UST: variants seen among roughly 807,000 people sequenced by gnomAD.
UST encodes chondroitin sulfate 2-O-sulfotransferase.
UST carries 21 observed loss-of-function variants against 45.6 expected under a neutral mutation model. That is an observed-to-expected ratio of 0.46 (90% CI 0.33 to 0.66). UST has a LOEUF of 0.66. Among genes scored for constraint, UST ranks in the 30% least tolerant of loss-of-function variants. The pLI is 0.02. For missense variants in UST, 463 were observed against 512.4 expected (o/e 0.90, Z 0.93); for synonymous variants, 215 against 200.6 (o/e 1.07, Z -0.61).
At chr6:149,026,776 T>G (rs7748978) in intron 7 of UST, among the ~76,000 whole-genome samples, 1 of 152,054 alleles carries the variant, frequency 6.6e-6, no homozygotes, top group Non-Finnish European at 1.5e-5. Context: ...ATCCTTTTAC[T>G]TTGTGTTTTA....
chr6:148,773,514 G>T (rs1361021149), intron 1 of UST, among the ~76,000 whole-genome samples: 10 of 151,908 alleles, frequency 6.6e-5, no homozygotes, highest in African/African-American at 2.4e-4. Context: ...TGACATGTAT[G>T]TATTAAGAGT....
chr6:149,057,862 T>C (rs903840601), intron 7 of UST, among the ~76,000 whole-genome samples: 1 of 152,214 alleles, frequency 6.6e-6, no homozygotes, highest in Non-Finnish European at 1.5e-5. Context: ...CAGTAATAAC[T>C]GTGGCTTGAT....
chr6:149,017,011 G>A (rs1775907381), intron 5 of UST, among the ~76,000 whole-genome samples: 1 of 152,200 alleles, frequency 6.6e-6, no homozygotes, highest in African/African-American at 2.4e-5. Context: ...TCAAGGCAAA[G>A]CACAGGCACC....
chr6:148,940,188 C>T (rs2114921410), intron 2 of UST, among the ~76,000 whole-genome samples: 1 of 152,024 alleles, frequency 6.6e-6, no homozygotes, highest in South Asian at 2.1e-4. Context: ...TAATAAACAA[C>T]CAAAAAGACA....
At chr6:149,070,903 G>A (rs1366617810) in intron 7 of UST, among the ~76,000 whole-genome samples, 2 of 152,254 alleles carry the variant, frequency 1.3e-5, no homozygotes, top group South Asian at 4.2e-4. Flanking sequence ...GAGTAGCTGG[G>A]ACTACAGGTG....
chr6:149,070,597 A>G (rs1776805293), intron 7 of UST, among the ~76,000 whole-genome samples: 1 of 152,102 alleles, frequency 6.6e-6, no homozygotes, highest in Admixed American at 6.5e-5. Flanking sequence ...TTGGCCACAT[A>G]GAGAATTTAT....
intron 1 of UST, among the ~76,000 whole-genome samples, chr6:148,772,590 T>C (rs1323675313): frequency 6.6e-6 from 1 of 152,088 alleles, no homozygotes; most frequent in Non-Finnish European, 1.5e-5. Flanking sequence ...GCCCGGCTAA[T>C]ATTTGGCATT....
intron 1 of UST, among the ~76,000 whole-genome samples, chr6:148,882,800 A>T (rs1024932629): frequency 2.6e-5 from 4 of 152,204 alleles, no homozygotes; most frequent in Admixed American, 2.0e-4. Context: ...TGATCTTTAC[A>T]AAGTGCCTGC....
At chr6:148,947,481 G>A (rs1031478609) in intron 3 of UST, among the ~76,000 whole-genome samples, 1 of 152,164 alleles carries the variant, frequency 6.6e-6, no homozygotes, top group Non-Finnish European at 1.5e-5. Context: ...AGGTCCTCAC[G>A]CACAGCCCTA....
chr6:148,974,884 T>G (rs577496090), intron 5 of UST, among the ~76,000 whole-genome samples: 1 of 152,204 alleles, frequency 6.6e-6, no homozygotes, highest in Non-Finnish European at 1.5e-5. Flanking sequence ...ATAACACTGG[T>G]TTGACTTTTA....
chr6:148,958,202 G>C (rs546313275), intron 4 of UST, among the ~76,000 whole-genome samples: 5 of 152,150 alleles, frequency 3.3e-5, no homozygotes, highest in African/African-American at 1.2e-4. Context: ...CACCTTCTAG[G>C]CTTCTTGTCC....
chr6:148,916,320 G>A (rs75577164), intron 2 of UST, among the ~76,000 whole-genome samples: 54,938 of 151,988 alleles, frequency 0.36, 10,276 homozygotes, highest in South Asian at 0.54. Context: ...TTGCACTCTG[G>A]CACTATGCTG....
chr6:148,829,555 A>G (rs1238591824), intron 1 of UST, among the ~76,000 whole-genome samples: 1 of 151,996 alleles, frequency 6.6e-6, no homozygotes, highest in African/African-American at 2.4e-5. Context: ...CACTCTCACC[A>G]TCTCTACTTG....
intron 7 of UST, 37 bp downstream of exon 7, chr6:149,021,518 G>A (rs759145049): frequency 1.2e-6 from 2 of 1,611,454 alleles, no homozygotes; most frequent in East Asian, 2.2e-5. Flanking sequence ...CTCCATGAGA[G>A]GTCTGTGTCC....
At chr6:149,043,627 C>T (rs556509970) in intron 7 of UST, among the ~76,000 whole-genome samples, 24 of 152,342 alleles carry the variant, frequency 1.6e-4, no homozygotes, top group East Asian at 1.9e-4. Context: ...CGTCATCTGA[C>T]GGAGAGCCAC....
chr6:148,873,870 C>T (rs188714472), intron 1 of UST, among the ~76,000 whole-genome samples: 134 of 152,368 alleles, frequency 8.8e-4, no homozygotes, highest in African/African-American at 3.1e-3. Flanking sequence ...GTCTTGTTTT[C>T]TTTCTCCCAG....
At chr6:148,888,867 G>C (rs1340080914) in intron 2 of UST, among the ~76,000 whole-genome samples, 1 of 152,196 alleles carries the variant, frequency 6.6e-6, no homozygotes, top group Non-Finnish European at 1.5e-5. Flanking sequence ...AAGGAATATA[G>C]AGGATTATGT....
intron 7 of UST, among the ~76,000 whole-genome samples, chr6:149,048,651 T>C (rs1776429013): frequency 6.6e-6 from 1 of 152,148 alleles, no homozygotes; most frequent in Non-Finnish European, 1.5e-5. Flanking sequence ...TGATATCATA[T>C]GATTATATTT....
chr6:149,065,935 C>T (rs1259476899), intron 7 of UST, among the ~76,000 whole-genome samples: 1 of 152,142 alleles, frequency 6.6e-6, no homozygotes, highest in Non-Finnish European at 1.5e-5. Flanking sequence ...GTTCACAGTG[C>T]TATGAGGACT....
Sources: gnomAD v4.1 joint callset for allele counts (sites outside exome capture counted in the v4.1 genomes callset) on GRCh38, gnomAD v4.1.1 for gene constraint, MANE v1.5 for transcripts, NCBI Gene and HGNC (gene_info 2026-07-23, HGNC 2026-07-21) for gene names.